TEX26: variants seen among roughly 807,000 people sequenced by gnomAD.
TEX26 encodes the protein testis-expressed protein 26.
In TEX26, 34 loss-of-function variants were observed where a neutral mutation model predicts 35.3. The observed-to-expected ratio is 0.96, with a 90% CI of 0.73 to 1.28. The LOEUF is 1.28. Ranked by LOEUF, TEX26 falls within the 50% of genes most tolerant of loss-of-function variation. The probability of loss-of-function intolerance (pLI) is 0.00; values close to 1 mark genes in which losing one functional copy is unlikely to be tolerated. For synonymous variants in TEX26, 136 were observed against 111.8 expected (o/e 1.22, Z -1.36); for missense variants, 371 against 330.1 (o/e 1.12, Z -0.96).
chr13:30,951,391 G>A (rs969868568), intron 2 of TEX26, among the ~76,000 whole-genome samples: 21 of 150,096 alleles, frequency 1.4e-4, no homozygotes, highest in African/African-American at 3.7e-4. Context: ...GCTGTGTCCC[G>A]TCCCTTTGGA....
At chr13:30,966,143 C>A in intron 4 of TEX26, 79 bp from the exon 5 acceptor site, 2 of 1,516,214 alleles carry the variant, frequency 1.3e-6, no homozygotes, top group African/African-American at 1.4e-5. Flanking sequence ...TTGACCATAC[C>A]TCTAAACACA....
At position 30,932,714 on chromosome 13, in the gene TEX26, G is replaced by A. The variant is rs547937834; in HGVS notation, c.-2G>A. The A allele has an allele frequency of 6.2e-7, 1 of 1,613,264 alleles. No individual in the cohort carries two copies. Among genetic ancestry groups the A allele is most frequent in the South Asian group, 1.1e-5 (1 of 90,876 alleles). ...GGCCCCGCGGCCGCCTCCTGGGGCAGAATGGAACAGCCTGGGCCCAGGGCT... is the reference window on the plus strand; with the variant it reads ...GGCCCCGCGGCCGCCTCCTGGGGCAAAATGGAACAGCCTGGGCCCAGGGCT... On this transcript the variant is annotated 5_prime_UTR_variant, in exon 1 of 7. Coordinates refer to ENST00000380473, the MANE Select transcript of TEX26 (RefSeq NM_152325.3).
At chr13:30,969,388 T>G (rs1381150441) in intron 6 of TEX26, among the ~76,000 whole-genome samples, 1 of 152,256 alleles carries the variant, frequency 6.6e-6, no homozygotes, top group Non-Finnish European at 1.5e-5. Flanking sequence ...ACAGTCACGT[T>G]GTTTTGCTGT....
At chr13:30,956,693 G>C (rs890907134) in intron 3 of TEX26, among the ~76,000 whole-genome samples, 180 bp from the exon 4 acceptor site, 1 of 152,210 alleles carries the variant, frequency 6.6e-6, no homozygotes, top group Non-Finnish European at 1.5e-5. Context: ...AATGTACAGA[G>C]CCCGCGTTTC....
intron 1 of TEX26, among the ~76,000 whole-genome samples, chr13:30,938,599 C>A (rs1352755442): frequency 6.6e-6 from 1 of 152,148 alleles, no homozygotes; most frequent in Non-Finnish European, 1.5e-5. Context: ...CTCTCAAAGG[C>A]CCCACCTGCA....
At chr13:30,962,547 C>G (rs563965789) in intron 4 of TEX26, among the ~76,000 whole-genome samples, 1 of 152,200 alleles carries the variant, frequency 6.6e-6, no homozygotes, top group Non-Finnish European at 1.5e-5. Context: ...ATTGGCCTTC[C>G]CATGTGTTTT....
At chr13:30,947,678 T>C (rs538255230) in intron 2 of TEX26, among the ~76,000 whole-genome samples, 2 of 152,302 alleles carry the variant, frequency 1.3e-5, no homozygotes, top group Admixed American at 6.5e-5. Flanking sequence ...TGTTTAATTT[T>C]CTATGTTCAA....
chr13:30,944,273 C>G (rs1376643198), intron 2 of TEX26, among the ~76,000 whole-genome samples: 3 of 151,814 alleles, frequency 2.0e-5, no homozygotes, highest in African/African-American at 7.3e-5. Context: ...CTTGAATGAT[C>G]TTTCATAATT....
In TEX26 at chr13:30,939,764, G is replaced by T. The variant is rs370354528; in HGVS notation, c.132G>T (p.Val44=). The T allele has an allele frequency of 1.6e-5, 26 of 1,613,726 alleles. No individual in the cohort carries two copies. Among genetic ancestry groups the T allele is most frequent in the Non-Finnish European group, 2.1e-5 (25 of 1,179,790 alleles). ...CATTCACGCCTAAAACAGGAGCAGT[G>T]CCTGCCTTAATTCGGTAGATCATTA... The part of the protein sequence containing the change: ...RTAFTPKTGA[V]PALIRQNGIR... Residue 44 remains valine, a synonymous_variant, in exon 2 of 7, where the codon GTG becomes GTT. Transcript: ENST00000380473.
chr13:30,970,652 C>G (rs1446790390), intron 6 of TEX26, among the ~76,000 whole-genome samples: 1 of 152,200 alleles, frequency 6.6e-6, no homozygotes, highest in Non-Finnish European at 1.5e-5. Flanking sequence ...AGCAGATGCT[C>G]CCATCTGCCC....
At chr13:30,966,870 C>G (rs1352518426) in intron 5 of TEX26, among the ~76,000 whole-genome samples, 1 of 152,214 alleles carries the variant, frequency 6.6e-6, no homozygotes, top group Non-Finnish European at 1.5e-5. Context: ...GGCATGAAAT[C>G]AGAACCTTGT....
intron 2 of TEX26, among the ~76,000 whole-genome samples, chr13:30,948,358 A>C (rs1953794184): frequency 6.6e-6 from 1 of 152,232 alleles, no homozygotes; most frequent in African/African-American, 2.4e-5. Flanking sequence ...TCCCACCAAC[A>C]GTGTAAAATT....
Position 30,966,384 on chromosome 13 carries a change from C to T in TEX26, c.632C>T (p.Ala211Val), listed in dbSNP as rs1954529087. ...KYGCYSSLPV[A>V]SQGLVPSVLH... Reference sequence around the variant, plus strand: ...GGATGCTACTCAAGCTTGCCTGTTGCTTCTCAGGGTCTAGGTGAGTACAGC... The same window carrying T: ...GGATGCTACTCAAGCTTGCCTGTTGTTTCTCAGGGTCTAGGTGAGTACAGC... The change falls in exon 5 of 7, where the codon GCT becomes GTT. Residue 211 changes from alanine (A) to valine (V), a missense_variant. By Grantham distance (64) the Ala-to-Val change is moderately conservative. Transcript: ENST00000380473. 1 of 1,609,734 alleles carries T rather than the reference C, an allele frequency of 6.2e-7. No homozygotes were observed. Among genetic ancestry groups the T allele is most frequent in the African/African-American group, 1.3e-5 (1 of 74,416 alleles).
intron 3 of TEX26, among the ~76,000 whole-genome samples, chr13:30,956,077 C>T (rs1478471569): frequency 6.6e-6 from 1 of 151,730 alleles, no homozygotes; most frequent in African/African-American, 2.4e-5. Context: ...AAGTTTGTTA[C>T]ATATGTATAC....
At chr13:30,947,539 T>A (rs1953757415) in intron 2 of TEX26, among the ~76,000 whole-genome samples, 1 of 152,152 alleles carries the variant, frequency 6.6e-6, no homozygotes, top group Non-Finnish European at 1.5e-5. Flanking sequence ...TTGAAAGCTA[T>A]TAATAAGATG....
At chr13:30,956,732 C>T (rs1052671417) in intron 3 of TEX26, 141 bp from the exon 4 acceptor site, 33 of 702,108 alleles carry the variant, frequency 4.7e-5, no homozygotes, top group Middle Eastern at 3.9e-4. Context: ...CTCCTGTTGA[C>T]GGGCTCCCAG....
rs1404042212 is a variant in TEX26, at chr13:30,939,786, A to C, written c.146+8A>C. The C allele has an allele frequency of 6.2e-7, 1 of 1,610,682 alleles. No homozygotes were observed. The highest frequency in any genetic ancestry group is 8.5e-7 in the Non-Finnish European group (1 of 1,177,124). On this transcript the variant is annotated splice_region_variant and intron_variant, in intron 2 of 6. Transcript: ENST00000380473. Reference sequence around the variant, plus strand: ...AGTGCCTGCCTTAATTCGGTAGATCATTATTTGTGTTGGATTGATATACAT... The same window carrying C: ...AGTGCCTGCCTTAATTCGGTAGATCCTTATTTGTGTTGGATTGATATACAT...
At chr13:30,967,556 T>C (rs930890182) in intron 5 of TEX26, among the ~76,000 whole-genome samples, 1 of 152,234 alleles carries the variant, frequency 6.6e-6, no homozygotes, top group Non-Finnish European at 1.5e-5. Context: ...CTAAGTCTTC[T>C]CTTTTCCAGT....
chr13:30,935,390 T>G (rs1221201205), intron 1 of TEX26, among the ~76,000 whole-genome samples: 1 of 152,254 alleles, frequency 6.6e-6, no homozygotes, highest in Admixed American at 6.5e-5. Context: ...AGCCTGCGCA[T>G]GGCCACCCAT....
Sources: allele counts gnomAD v4.1 joint callset (sites outside exome capture counted in the v4.1 genomes callset), GRCh38; gene constraint gnomAD v4.1.1; transcripts MANE v1.5; gene names NCBI Gene and HGNC (gene_info 2026-07-23, HGNC 2026-07-21).